PXDNL: variants seen among roughly 807,000 people sequenced by gnomAD.
PXDNL encodes the protein probable oxidoreductase PXDNL.
In PXDNL, 145 loss-of-function variants were observed where a neutral mutation model predicts 150.8. The observed-to-expected ratio is 0.96, with a 90% confidence interval of 0.84 to 1.10. The LOEUF (loss-of-function observed/expected upper bound fraction) is 1.10, where lower values mean the gene tolerates loss of function less well. Among genes scored for constraint, PXDNL ranks in the 50% least tolerant of loss-of-function variants. PXDNL has a pLI of 0.00. For missense variants in PXDNL, 2,087 were observed against 1,873.9 expected, an observed-to-expected ratio of 1.11 and a Z score of -2.10; for synonymous variants, 757 against 725.7, an observed-to-expected ratio of 1.04 and a Z score of -0.69.
intron 1 of PXDNL, among the ~76,000 whole-genome samples, chr8:51,664,406 A>G (rs1435075953): frequency 6.6e-6 from 1 of 152,152 alleles, no homozygotes; most frequent in Non-Finnish European, 1.5e-5. Context: ...GATCATTGTT[A>G]TATTATGCAA....
At chr8:51,365,264 C>T (rs1201377502) in intron 19 of PXDNL, among the ~76,000 whole-genome samples, 1 of 152,162 alleles carries the variant, frequency 6.6e-6, no homozygotes, top group Non-Finnish European at 1.5e-5. Context: ...TTAAATGCTC[C>T]TTTGAAAGTT....
At chr8:51,616,486 C>A (rs895257341) in intron 2 of PXDNL, among the ~76,000 whole-genome samples, 46 of 152,150 alleles carry the variant, frequency 3.0e-4, no homozygotes, top group African/African-American at 1.1e-3. Context: ...TCATTTGTAT[C>A]CATAGCTATA....
chr8:51,324,724 A>G (rs1237155984), intron 21 of PXDNL, among the ~76,000 whole-genome samples: 4 of 152,262 alleles, frequency 2.6e-5, no homozygotes, highest in Admixed American at 2.6e-4. Context: ...GAGCCCATCA[A>G]CTGATCTTTT....
At chr8:51,450,204 A>C (rs1809771752) in intron 10 of PXDNL, among the ~76,000 whole-genome samples, 1 of 152,208 alleles carries the variant, frequency 6.6e-6, no homozygotes, top group Non-Finnish European at 1.5e-5. Flanking sequence ...AATTAGCATA[A>C]AATGAGCAGT....
intron 17 of PXDNL, among the ~76,000 whole-genome samples, chr8:51,399,633 C>CTTT (rs1808187971): frequency 6.6e-6 from 1 of 152,194 alleles, no homozygotes; most frequent in African/African-American, 2.4e-5. Context: ...TGACAATGCT[C>CTTT]TTTGTCTTCA....
intron 19 of PXDNL, among the ~76,000 whole-genome samples, chr8:51,354,122 C>A (rs1437025193): frequency 6.6e-6 from 1 of 152,048 alleles, no homozygotes; most frequent in African/African-American, 2.4e-5. Context: ...TAGTGATCTG[C>A]AGAGCATATA....
At chr8:51,389,151 G>C (rs1045202611) in intron 17 of PXDNL, among the ~76,000 whole-genome samples, 10 of 152,102 alleles carry the variant, frequency 6.6e-5, no homozygotes, top group African/African-American at 2.4e-4. Context: ...AGTTTGGTTT[G>C]TCATTCCCGT....
chr8:51,593,678 CCTAA>C (rs1477558705), intron 2 of PXDNL, among the ~76,000 whole-genome samples: 1 of 152,172 alleles, frequency 6.6e-6, no homozygotes, highest in African/African-American at 2.4e-5. Flanking sequence ...CTCATCTGTT[CCTAA>C]CTGATTCACT....
chr8:51,594,844 T>A (rs1261522099), intron 2 of PXDNL, among the ~76,000 whole-genome samples: 1 of 152,188 alleles, frequency 6.6e-6, no homozygotes, highest in Admixed American at 6.5e-5. Context: ...TGTTTTATTA[T>A]TCAGAAAGAA....
chr8:51,561,531 A>AT (rs138740321), intron 3 of PXDNL, among the ~76,000 whole-genome samples: 9 of 151,586 alleles, frequency 5.9e-5, no homozygotes, highest in Non-Finnish European at 1.0e-4. Flanking sequence ...TTTTGAATTA[A>AT]TTTTTTTTTA....
intron 17 of PXDNL, among the ~76,000 whole-genome samples, chr8:51,402,492 G>C (rs2977015): frequency 0.82 from 125,380 of 152,060 alleles, 51,849 homozygotes; most frequent in East Asian, 0.94. Flanking sequence ...GCACTCCAGC[G>C]TGGGTGACAG....
rs376641022 is a variant in PXDNL, at chr8:51,805,749, C to T, written c.164+3432G>A. 5.3e-5 allele frequency among the ~76,000 whole-genome samples: 8 copies of T among 152,194 alleles called. No individual in the cohort carries two copies. In the East Asian group the frequency reaches 1.2e-3, roughly 22 times the overall value. ...AAAATCCTCGATCATTAAAACAGCC[C>T]TAAGCTTAAAACTTTTTCTAATCAA... On this transcript the variant is annotated intron_variant, in intron 1 of 22. Transcript: ENST00000356297.
At chr8:51,773,131 G>C (rs1464148627) in intron 1 of PXDNL, among the ~76,000 whole-genome samples, 2 of 152,208 alleles carry the variant, frequency 1.3e-5, no homozygotes, top group African/African-American at 4.8e-5. Flanking sequence ...CCACACATTT[G>C]AAAACAAAAG....
chr8:51,409,462 C>T lies in PXDNL; in HGVS notation c.2162G>A (p.Arg721Gln). 6.2e-7 allele frequency: 1 copy of T among 1,612,666 alleles called. No individual in the cohort carries two copies. The highest frequency in any genetic ancestry group is 8.5e-7 in the Non-Finnish European group (1 of 1,179,748). Residue 721 changes from arginine (R) to glutamine (Q), a missense_variant, in exon 17 of 23, where the codon CGG (arginine) becomes CAG (glutamine). Transcript: ENST00000356297. ...ARRPLPNCSNRCFHAKYRAHD... is the reference protein window; with the variant it reads ...ARRPLPNCSNQCFHAKYRAHD... ...GGCGCGGTACTTCGCATGGAAACAC[C>T]GGTTGGAGCAGTTTGGCAGAGGCCT... is the stretch of plus-strand genomic sequence containing the variant.
chr8:51,575,492 A>G (rs1443195867), intron 3 of PXDNL, among the ~76,000 whole-genome samples: 1 of 152,160 alleles, frequency 6.6e-6, no homozygotes, highest in Non-Finnish European at 1.5e-5. Context: ...AAGTGAGTGG[A>G]TCACTTGAGG....
In PXDNL at chr8:51,475,182, A is replaced by G. The variant is rs112630208; in HGVS notation, c.525-41T>C. The G allele has an allele frequency of 3.6e-5, 56 of 1,545,888 alleles. No homozygotes were observed. The African/African-American group carries it at 7.0e-4, about 19-fold the overall frequency. The stretch of plus-strand genomic sequence containing the variant: ...AGAAGTACAACTGTTAAAAGGGACT[A>G]TTAATTTCTATGATGAATCTTTTGA... On this transcript the variant is annotated intron_variant, in intron 6 of 22. Coordinates refer to ENST00000356297, the MANE Select transcript of PXDNL (RefSeq NM_144651.5).
At chr8:51,792,487 C>T (rs2037522797) in intron 1 of PXDNL, among the ~76,000 whole-genome samples, 2 of 152,368 alleles carry the variant, frequency 1.3e-5, no homozygotes, top group East Asian at 3.9e-4. Flanking sequence ...TGCAGATTCT[C>T]AGCAACCACT....
At chr8:51,674,456 T>C (rs904824702) in intron 1 of PXDNL, among the ~76,000 whole-genome samples, 1 of 152,266 alleles carries the variant, frequency 6.6e-6, no homozygotes, top group African/African-American at 2.4e-5. Context: ...GAGAAACTTC[T>C]TGCAGATTGC....
intron 19 of PXDNL, among the ~76,000 whole-genome samples, chr8:51,362,765 G>C (rs1054630292): frequency 1.3e-5 from 2 of 152,208 alleles, no homozygotes; most frequent in Admixed American, 6.5e-5. Context: ...AGTCTAAAGA[G>C]AGAAAGGAAA....
Sources: allele counts gnomAD v4.1 joint callset (sites outside exome capture counted in the v4.1 genomes callset), GRCh38; gene constraint gnomAD v4.1.1; transcripts MANE v1.5; gene names NCBI Gene and HGNC (gene_info 2026-07-23, HGNC 2026-07-21).